RFTN2: variants seen among roughly 807,000 people sequenced by gnomAD.
The protein encoded by RFTN2 is raftlin family member 2.
A neutral mutation model predicts 52.7 loss-of-function variants in RFTN2; 34 were observed. The observed-to-expected ratio is 0.64, with a 90% confidence interval of 0.49 to 0.86. RFTN2 has a LOEUF of 0.86. RFTN2 is among the 40% of genes least tolerant of loss of function. The probability of loss-of-function intolerance (pLI) is 0.00; values close to 1 mark genes in which losing one functional copy is unlikely to be tolerated. For missense variants in RFTN2, 536 were observed against 600.1 expected (o/e 0.89, Z 1.12); for synonymous variants, 203 against 217.7 (o/e 0.93, Z 0.59).
At chr2:197,669,569 G>C (rs1055801006) in intron 1 of RFTN2, among the ~76,000 whole-genome samples, 1 of 152,150 alleles carries the variant, frequency 6.6e-6, no homozygotes, top group Non-Finnish European at 1.5e-5. Context: ...AGATGAAACT[G>C]TTCCACTTCA....
At chr2:197,646,870 C>G (rs892618973) in intron 1 of RFTN2, among the ~76,000 whole-genome samples, 12 of 80,194 alleles carry the variant, frequency 1.5e-4, no homozygotes, top group Non-Finnish European at 2.5e-4. Flanking sequence ...GGCAACATAA[C>G]AGGAACATAG....
In RFTN2 at chr2:197,610,740, G is replaced by A. The variant is rs538252112; in HGVS notation, c.1154+5136C>T. Among the ~76,000 whole-genome samples, 7 of 152,280 alleles carry A rather than the reference G, an allele frequency of 4.6e-5. No individual in the cohort carries two copies. In the East Asian group the frequency reaches 1.2e-3, roughly 25 times the overall value. On this transcript the variant is annotated intron_variant, in intron 7 of 8. Transcript: ENST00000295049. ...TTTTTGCCCATTCAGTATGATATTG[G>A]CTGTGGGTTTGTCACAAATAGCTCT...
rs369990669 is a variant in RFTN2 at position 197,652,960 on chromosome 2, A to G, written c.140-6294T>C. Among the ~76,000 whole-genome samples the G allele has an allele frequency of 5.4e-4, 82 of 152,348 alleles. 1 individual carries two copies. The highest frequency in any genetic ancestry group is 1.9e-3 in the African/African-American group (79 of 41,578). On this transcript the variant is annotated intron_variant, in intron 1 of 8. Transcript: ENST00000295049. ...AATGTGATCGTTGGCTATCTGGAAAAAAATTACCTCCAAAGGCAGGAGGCT... is the reference window on the plus strand; with the variant it reads ...AATGTGATCGTTGGCTATCTGGAAAGAAATTACCTCCAAAGGCAGGAGGCT...
chr2:197,580,229 C>A (rs1314510104), intron 8 of RFTN2, among the ~76,000 whole-genome samples: 1 of 152,152 alleles, frequency 6.6e-6, no homozygotes, highest in Non-Finnish European at 1.5e-5. Flanking sequence ...ACTTTATTAA[C>A]CTCGCCTTCA....
Position 197,633,837 on chromosome 2 carries a change from C to G in RFTN2, c.599G>C (p.Gly200Ala). Residue 200 changes from glycine (G) to alanine (A), a missense_variant, in exon 4 of 9, where the codon GGG becomes GCG. By Grantham distance (60) the Gly-to-Ala change is moderately conservative (BLOSUM62 0). Coordinates refer to ENST00000295049, the MANE Select transcript of RFTN2 (RefSeq NM_144629.3). Reference protein sequence around the residue: ...SDENCRSWNEGTLSGQSSESG... With the variant: ...SDENCRSWNEATLSGQSSESG... ...TTCAGATGACTGCCCACTTAACGTCCCTTCATTCCAACTTCTACAGTTTTC... is the reference window on the plus strand; with the variant it reads ...TTCAGATGACTGCCCACTTAACGTCGCTTCATTCCAACTTCTACAGTTTTC... 1.2e-6 allele frequency: 2 copies of G among 1,613,874 alleles called. No individual in the cohort carries two copies. Among genetic ancestry groups the G allele is most frequent in the East Asian group, 4.5e-5 (2 of 44,860 alleles).
chr2:197,623,871 T>C (rs1004138482), intron 5 of RFTN2, among the ~76,000 whole-genome samples: 2 of 151,764 alleles, frequency 1.3e-5, no homozygotes, highest in Non-Finnish European at 2.9e-5. Context: ...ACCATGTTGG[T>C]CAGGCTGGTC....
At chr2:197,629,621 A>AG (rs1341668549) in intron 5 of RFTN2, among the ~76,000 whole-genome samples, 1 of 151,906 alleles carries the variant, frequency 6.6e-6, no homozygotes, top group Non-Finnish European at 1.5e-5. Context: ...TAAAAGACCA[A>AG]GTGGAAGAGG....
chr2:197,642,611 A>C (rs2088690380), intron 3 of RFTN2, among the ~76,000 whole-genome samples: 1 of 152,196 alleles, frequency 6.6e-6, no homozygotes, highest in African/African-American at 2.4e-5. Context: ...TTGGTTAAAT[A>C]TCTTTGTATA....
At chr2:197,667,907 T>G (rs2089083874) in intron 1 of RFTN2, among the ~76,000 whole-genome samples, 1 of 152,074 alleles carries the variant, frequency 6.6e-6, no homozygotes, top group Non-Finnish European at 1.5e-5. Context: ...GTGGGCCAAT[T>G]CTTGGACTTC....
chr2:197,599,108 T>C (rs749977373), intron 7 of RFTN2, among the ~76,000 whole-genome samples: 7 of 152,002 alleles, frequency 4.6e-5, no homozygotes, highest in Non-Finnish European at 1.0e-4. Flanking sequence ...CCCACCACCA[T>C]GCCCGGCTCA....
intron 1 of RFTN2, among the ~76,000 whole-genome samples, chr2:197,668,620 G>T (rs1023525269): frequency 1.3e-5 from 2 of 152,096 alleles, no homozygotes; most frequent in African/African-American, 4.8e-5. Flanking sequence ...GCAGTAGCCT[G>T]CATGCAGTCG....
chr2:197,608,310 ATTTTTT>A (rs753519789), intron 7 of RFTN2, among the ~76,000 whole-genome samples: 8 of 132,232 alleles, frequency 6.0e-5, no homozygotes, highest in African/African-American at 2.3e-4. Context: ...TAGGGACCAG[ATTTTTT>A]TTTTTTTTTT....
At chr2:197,589,284 C>T (rs1009722120) in intron 8 of RFTN2, among the ~76,000 whole-genome samples, 1 of 150,148 alleles carries the variant, frequency 6.7e-6, no homozygotes, top group Non-Finnish European at 1.5e-5. Context: ...CTTTGCCTGC[C>T]GCCATCCACC....
chr2:197,631,785 C>T (rs1309919733), intron 4 of RFTN2, among the ~76,000 whole-genome samples: 1 of 152,128 alleles, frequency 6.6e-6, no homozygotes, highest in Non-Finnish European at 1.5e-5. Flanking sequence ...CATGGAAATG[C>T]TGGATCATAT....
chr2:197,654,311 A>G (rs1023762778), intron 1 of RFTN2, among the ~76,000 whole-genome samples: 1 of 152,182 alleles, frequency 6.6e-6, no homozygotes, highest in African/African-American at 2.4e-5. Context: ...GCTTAAGCCC[A>G]GGAGTTTGAG....
intron 8 of RFTN2, chr2:197,588,125 C>A: frequency 2.4e-6 from 1 of 408,738 alleles, no homozygotes; most frequent in Non-Finnish European, 5.0e-6. Context: ...GAAAATGTGA[C>A]AAAAACAAAG....
At chr2:197,595,364 G>T (rs1182086308) in intron 8 of RFTN2, among the ~76,000 whole-genome samples, 1 of 152,168 alleles carries the variant, frequency 6.6e-6, no homozygotes, top group Non-Finnish European at 1.5e-5. Context: ...ATATTAACAG[G>T]AGAAAAGGTT....
intron 8 of RFTN2, among the ~76,000 whole-genome samples, chr2:197,579,869 A>T (rs977170869): frequency 6.6e-6 from 1 of 151,706 alleles, no homozygotes; most frequent in African/African-American, 2.4e-5. Context: ...GCCCCTCCTC[A>T]CACCTGGTCT....
intron 7 of RFTN2, among the ~76,000 whole-genome samples, chr2:197,613,506 C>T (rs1406827414): frequency 2.6e-5 from 4 of 152,332 alleles, no homozygotes; most frequent in East Asian, 1.9e-4. Context: ...CTAAAAACTT[C>T]GGGCTCTATC....
Sources: gnomAD v4.1 joint callset for allele counts (sites outside exome capture counted in the v4.1 genomes callset) on GRCh38, gnomAD v4.1.1 for gene constraint, MANE v1.5 for transcripts, NCBI Gene and HGNC (gene_info 2026-07-23, HGNC 2026-07-21) for gene names.